Variants in BABAM2 observed in about 807,000 individuals in gnomAD.
The protein encoded by BABAM2 is BRISC and BRCA1 A complex member 2.
A neutral mutation model predicts 54.7 loss-of-function variants in BABAM2; 31 were observed. That is an observed-to-expected ratio of 0.57 (90% CI 0.43 to 0.77). BABAM2 has a LOEUF of 0.77. BABAM2 is among the 30% of genes least tolerant of loss of function. The probability of loss-of-function intolerance (pLI) is 0.00; values close to 1 mark genes in which losing one functional copy is unlikely to be tolerated. For missense variants in BABAM2, 364 were observed against 455.8 expected, an observed-to-expected ratio of 0.80 and a Z score of 1.83; for synonymous variants, 167 against 162.9, an observed-to-expected ratio of 1.03 and a Z score of -0.19.
intron 7 of BABAM2, among the ~76,000 whole-genome samples, chr2:28,171,554 G>T (rs182220030): frequency 2.0e-5 from 3 of 152,238 alleles, no homozygotes; most frequent in Admixed American, 1.3e-4. Flanking sequence ...AGATCTTCCC[G>T]TAATAAAGGC....
At chr2:28,195,386 A>G (rs1677406917) in intron 7 of BABAM2, among the ~76,000 whole-genome samples, 1 of 152,230 alleles carries the variant, frequency 6.6e-6, no homozygotes, top group Non-Finnish European at 1.5e-5. Context: ...TAAAATCTTT[A>G]CATAATTTCC....
intron 7 of BABAM2, among the ~76,000 whole-genome samples, chr2:28,206,018 G>T (rs1422627357): frequency 6.6e-6 from 1 of 152,164 alleles, no homozygotes; most frequent in Non-Finnish European, 1.5e-5. Flanking sequence ...TAGGACTGAC[G>T]TTGAAAGAAG....
intron 6 of BABAM2, among the ~76,000 whole-genome samples, chr2:28,106,323 G>A (rs1667519676): frequency 6.6e-6 from 1 of 152,110 alleles, no homozygotes; most frequent in Non-Finnish European, 1.5e-5. Context: ...AGGTGTTGCT[G>A]TAGCCCAGGC....
chr2:28,005,537 A>G (rs1673893367), intron 4 of BABAM2, among the ~76,000 whole-genome samples: 1 of 152,172 alleles, frequency 6.6e-6, no homozygotes, highest in Non-Finnish European at 1.5e-5. Flanking sequence ...TAAAGGACTA[A>G]GGGTGTTTTG....
chr2:27,905,136 C>G (rs1360496555), intron 2 of BABAM2, among the ~76,000 whole-genome samples: 2 of 152,116 alleles, frequency 1.3e-5, no homozygotes, highest in African/African-American at 4.8e-5. Context: ...CTCAATAGTT[C>G]AACAATCTTT....
chr2:28,202,626 G>C (rs2147959544), intron 7 of BABAM2, among the ~76,000 whole-genome samples: 1 of 152,132 alleles, frequency 6.6e-6, no homozygotes, highest in East Asian at 1.9e-4. Context: ...ATTTTAGTTG[G>C]GGCTTTTGTT....
chr2:28,162,413 C>T (rs1430114982), intron 7 of BABAM2, among the ~76,000 whole-genome samples: 1 of 152,150 alleles, frequency 6.6e-6, no homozygotes, highest in Non-Finnish European at 1.5e-5. Context: ...TCTTAGCCTC[C>T]TTTTTGTCAC....
chr2:28,005,459 A>G (rs1673888852), intron 4 of BABAM2, among the ~76,000 whole-genome samples: 1 of 152,138 alleles, frequency 6.6e-6, no homozygotes, highest in African/African-American at 2.4e-5. Context: ...GCTGTTTTGC[A>G]GCATGCCCTG....
At chr2:27,891,631 C>T (rs1457548646) in intron 1 of BABAM2, among the ~76,000 whole-genome samples, 1 of 152,052 alleles carries the variant, frequency 6.6e-6, no homozygotes, top group Non-Finnish European at 1.5e-5. Flanking sequence ...CGGTTCACTG[C>T]ACCAAAGGAC....
intron 5 of BABAM2, among the ~76,000 whole-genome samples, chr2:28,043,339 C>A (rs184026838): frequency 1.3e-5 from 2 of 152,072 alleles, no homozygotes; most frequent in South Asian, 4.2e-4. Context: ...CCATATTGGC[C>A]AGGCTGGTCT....
chr2:28,074,722 A>G (rs1323814916), intron 6 of BABAM2, among the ~76,000 whole-genome samples: 1 of 152,074 alleles, frequency 6.6e-6, no homozygotes, highest in Non-Finnish European at 1.5e-5. Context: ...AGGGGAGGTG[A>G]AAAGCGTGAA....
At chr2:27,955,385 C>T (rs77487630) in intron 3 of BABAM2, among the ~76,000 whole-genome samples, 1,580 of 152,298 alleles carry the variant, frequency 0.01, 23 homozygotes, top group African/African-American at 0.036. Context: ...AGGAAGCACA[C>T]TATTGTTACT....
At chr2:28,006,283 T>G (rs554871208) in intron 4 of BABAM2, among the ~76,000 whole-genome samples, 1 of 152,202 alleles carries the variant, frequency 6.6e-6, no homozygotes, top group Non-Finnish European at 1.5e-5. Context: ...CTTAAATTAC[T>G]TGGTACATAG....
At position 28,169,039 on chromosome 2, in the gene BABAM2, A is replaced by G. The variant is rs117720170; in HGVS notation, c.680+39659A>G. ...TAGCTCCAGTATGTGTTATCCCACTACTCATGTTAAAGACTTGGTTAACTG... is the reference window on the plus strand; with the variant it reads ...TAGCTCCAGTATGTGTTATCCCACTGCTCATGTTAAAGACTTGGTTAACTG... On this transcript the variant is annotated intron_variant, in intron 7 of 11. Coordinates refer to ENST00000379624, the MANE Select transcript of BABAM2 (RefSeq NM_199191.3). Among the ~76,000 whole-genome samples the G allele has an allele frequency of 4.9e-4, 75 of 152,176 alleles. 1 individual carries two copies. The East Asian group carries it at 0.011, about 22-fold the overall frequency.
chr2:28,137,146 A>G (rs1026642412), intron 7 of BABAM2, among the ~76,000 whole-genome samples: 1 of 152,174 alleles, frequency 6.6e-6, no homozygotes, highest in African/African-American at 2.4e-5. Flanking sequence ...CTTCTCAAAA[A>G]AGAGACCTTC....
At chr2:28,087,623 A>G (rs566458866) in intron 6 of BABAM2, among the ~76,000 whole-genome samples, 3 of 148,844 alleles carry the variant, frequency 2.0e-5, no homozygotes, top group Non-Finnish European at 4.5e-5. Context: ...CAGTACCTCT[A>G]TTTTACCTTT....
chr2:27,913,584 A>G (rs1666758618), intron 2 of BABAM2, among the ~76,000 whole-genome samples: 1 of 152,200 alleles, frequency 6.6e-6, no homozygotes, highest in South Asian at 2.1e-4. Flanking sequence ...TACTTTGTCC[A>G]TGCTTTACAT....
intron 6 of BABAM2, among the ~76,000 whole-genome samples, chr2:28,124,984 T>C (rs1056521190): frequency 2.6e-5 from 4 of 152,192 alleles, no homozygotes; most frequent in Admixed American, 2.6e-4. Context: ...CTTTAGCACA[T>C]GTGACAGAAA....
At chr2:27,922,425 C>T (rs966302635) in intron 2 of BABAM2, among the ~76,000 whole-genome samples, 6 of 152,158 alleles carry the variant, frequency 3.9e-5, no homozygotes, top group Non-Finnish European at 7.4e-5. Context: ...AAGGTTCTTA[C>T]GCTCAGCATT....
Sources: allele counts gnomAD v4.1 joint callset (sites outside exome capture counted in the v4.1 genomes callset), GRCh38; gene constraint gnomAD v4.1.1; transcripts MANE v1.5; gene names NCBI Gene and HGNC (gene_info 2026-07-23, HGNC 2026-07-21).